The following AMBP variants were observed in gnomAD, a reference collection of about 807,000 sequenced individuals.
AMBP encodes protein AMBP.
A neutral mutation model predicts 46.3 loss-of-function variants in AMBP; 37 were observed. The ratio of observed to expected loss-of-function variants is 0.80; its 90% confidence interval spans 0.61 to 1.05. AMBP has a LOEUF of 1.05. AMBP is among the 50% of genes least tolerant of loss of function. The pLI is 0.00. For synonymous variants in AMBP, 174 were observed against 175.9 expected, an observed-to-expected ratio of 0.99 and a Z score of 0.09; for missense variants, 475 against 461.2, an observed-to-expected ratio of 1.03 and a Z score of -0.27.
chr9:114,069,699 CG>C lies in AMBP; in HGVS notation c.602del (p.Pro201ArgfsTer21). ...TGGGGTCGGGGGATGAGGCACTCAC[CG>C]GGATTAAGATGGGCTCTGGTTCCTG... ...GEQEPEPILIPRVRRAVLPQE... is the reference protein window; with the variant it reads ...GEQEPEPILIXRVRRAVLPQE... On this transcript the variant is annotated frameshift_variant and splice_region_variant, in exon 6 of 10. Transcript: ENST00000265132. LOFTEE classifies it high-confidence loss of function. 1.2e-6 allele frequency: 2 copies of C among 1,613,014 alleles called. No homozygotes were observed. Among genetic ancestry groups the C allele is most frequent in the Admixed American group, 1.7e-5 (1 of 59,928 alleles).
rs756764633 is a variant in AMBP at position 114,076,555 on chromosome 9, C to A, written c.260+43G>T. ...GGACGGGGCTGGGAAGGTTGTGGGTCTCTGGGTCTCTCTCAGCTTTCCAGC... is the reference window on the plus strand; with the variant it reads ...GGACGGGGCTGGGAAGGTTGTGGGTATCTGGGTCTCTCTCAGCTTTCCAGC... On this transcript the variant is annotated intron_variant, in intron 2 of 9. Transcript: ENST00000265132. 41 of 1,603,378 alleles carry A rather than the reference C, an allele frequency of 2.6e-5. No individual in the cohort carries two copies. The East Asian group carries it at 8.7e-4, about 34-fold the overall frequency.
intron 7 of AMBP, among the ~76,000 whole-genome samples, chr9:114,061,852 C>A (rs994407202): frequency 2.0e-5 from 3 of 152,056 alleles, no homozygotes; most frequent in Admixed American, 2.0e-4. Flanking sequence ...GGCCCACTGT[C>A]CCCCTGTATT....
chr9:114,075,138 GTTT>G, intron 2 of AMBP, 102 bp from the exon 3 acceptor site: 2 of 877,092 alleles, frequency 2.3e-6, no homozygotes, highest in Non-Finnish European at 1.8e-6. Context: ...TGGTTTTGGG[GTTT>G]TTTTGTTTGT....
chr9:114,076,558 T>C (rs1243549144), intron 2 of AMBP, 40 bp downstream of exon 2: 3 of 1,605,402 alleles, frequency 1.9e-6, no homozygotes, highest in Non-Finnish European at 2.5e-6. Context: ...TGTGGGTCTC[T>C]GGGTCTCTCT....
At chr9:114,064,499 G>A (rs896830149) in intron 6 of AMBP, among the ~76,000 whole-genome samples, 6 of 152,098 alleles carry the variant, frequency 3.9e-5, no homozygotes, top group East Asian at 1.9e-4. Flanking sequence ...GGTGAGAAAC[G>A]GGAAATAGAA....
chr9:114,070,187 C>T (rs1238638660), intron 5 of AMBP, among the ~76,000 whole-genome samples: 1 of 152,200 alleles, frequency 6.6e-6, no homozygotes, highest in African/African-American at 2.4e-5. Context: ...AACCCAGGTG[C>T]TCTTGATGGC....
rs896027005 is a variant in AMBP, at chr9:114,068,438, GA to G, written c.603+1260del. 1.8e-4 allele frequency among the ~76,000 whole-genome samples: 27 copies of G among 148,592 alleles called. 1 individual carries two copies. Among genetic ancestry groups the G allele is most frequent in the Middle Eastern group, 3.4e-3 (1 of 292 alleles). On this transcript the variant is annotated intron_variant, in intron 6 of 9. Coordinates refer to ENST00000265132, the MANE Select transcript of AMBP (RefSeq NM_001633.4). ...AACATGGCAAAACTCTGTCTCTACT[GA>G]AAAAAAAAATACAAAAATTAGCCAA...
intron 7 of AMBP, 141 bp from the exon 8 acceptor site, chr9:114,061,732 G>T: frequency 9.5e-7 from 1 of 1,052,518 alleles, no homozygotes; most frequent in Non-Finnish European, 1.3e-6. Flanking sequence ...CTGACTCTCA[G>T]AGAGGTGAAG....
intron 5 of AMBP, among the ~76,000 whole-genome samples, chr9:114,070,172 G>A (rs1474899979): frequency 2.0e-5 from 3 of 152,356 alleles, no homozygotes; most frequent in South Asian, 2.1e-4. Context: ...ACACAGCTCA[G>A]TTCGAACCCA....
rs752934210 is a variant in AMBP at position 114,078,163 on chromosome 9, G to A, written c.47C>T (p.Ala16Val). The A allele has an allele frequency of 2.5e-5, 41 of 1,613,282 alleles. No individual in the cohort carries two copies. Among genetic ancestry groups the A allele is most frequent in the Non-Finnish European group, 3.1e-5 (37 of 1,180,034 alleles). ...CGTTGGCACAGGGCCAGCGCTCACC[G>A]CCAGGCAGGCGCTCAGCAGCAAGAG... is the stretch of plus-strand genomic sequence containing the variant. The part of the protein sequence containing the change: ...ALLLLLSACL[A>V]VSAGPVPTPP... Residue 16 changes from alanine to valine, a missense_variant, in exon 1 of 10, where the codon GCG becomes GTG. By Grantham distance (64) the Ala-to-Val change is moderately conservative. This residue lies in a region of AMBP where 179 missense variants were observed against 167.4 expected (regional missense o/e 1.07). Transcript: ENST00000265132.
At position 114,075,142 on chromosome 9, in the gene AMBP, T is replaced by C. The variant is rs145726905; in HGVS notation, c.261-106A>G. 8.3e-4 allele frequency: 710 copies of C among 857,620 alleles called. 9 individuals are homozygous for C. The African/African-American group carries it at 9.2e-3, about 11-fold the overall frequency. 53.1% of individuals were successfully genotyped at this position (857,620 alleles called of 1,614,324 possible). Reference sequence around the variant, plus strand: ...TCCAAATGCCTTGGTTTTGGGGTTTTTTTGTTTGTGTGTTTTTGTTTGCTT... The same window carrying C: ...TCCAAATGCCTTGGTTTTGGGGTTTCTTTGTTTGTGTGTTTTTGTTTGCTT... On this transcript the variant is annotated intron_variant, in intron 2 of 9. Transcript: ENST00000265132.
intron 4 of AMBP, among the ~76,000 whole-genome samples, chr9:114,073,828 T>C (rs1412372879): frequency 6.6e-6 from 1 of 152,158 alleles, no homozygotes; most frequent in Non-Finnish European, 1.5e-5. Context: ...GCCTGGAGGC[T>C]CTGTAATTCT....
chr9:114,072,679 G>T (rs578220930), intron 5 of AMBP, among the ~76,000 whole-genome samples: 1 of 152,302 alleles, frequency 6.6e-6, no homozygotes, highest in South Asian at 2.1e-4. Context: ...GTGGATTCTG[G>T]CTACAACCTC....
At chr9:114,070,992 C>A (rs965136434) in intron 5 of AMBP, among the ~76,000 whole-genome samples, 2 of 152,190 alleles carry the variant, frequency 1.3e-5, no homozygotes, top group African/African-American at 4.8e-5. Context: ...CACGATGTCA[C>A]CCCAGCCCCA....
Position 114,060,772 on chromosome 9 carries a change from C to T in AMBP, c.1027+153G>A, listed in dbSNP as rs929526336. 3 of 940,170 alleles carry T rather than the reference C, an allele frequency of 3.2e-6. No individual in the cohort carries two copies. The South Asian group carries it at 5.2e-5, about 16-fold the overall frequency. The allele number at this position is 940,170 out of a possible 1,614,324, so 58.2% of individuals were successfully genotyped here. On this transcript the variant is annotated intron_variant, in intron 9 of 9. Transcript: ENST00000265132. ...GGCCCAATTCCAGCTGGGGTAAGGC[C>T]CCAGGCTCAGCCCCATTTCAGAGAG...
intron 6 of AMBP, among the ~76,000 whole-genome samples, chr9:114,064,061 C>T (rs114492100): frequency 1.1e-4 from 16 of 152,250 alleles, no homozygotes; most frequent in East Asian, 3.9e-4. Flanking sequence ...CAGCATTTAA[C>T]GACAGAAGTC....
intron 7 of AMBP, among the ~76,000 whole-genome samples, chr9:114,062,029 GAC>G (rs1474483507): frequency 1.3e-5 from 2 of 152,108 alleles, no homozygotes; most frequent in African/African-American, 4.8e-5. Context: ...TGGATGCCTG[GAC>G]ACAGTGTGAA....
chr9:114,060,325 G>A, intron 9 of AMBP, 55 bp from the exon 10 acceptor site: 2 of 1,599,058 alleles, frequency 1.3e-6, no homozygotes, highest in African/African-American at 1.3e-5. Flanking sequence ...ACTCAGGGAA[G>A]GGAAAGCAGC....
intron 5 of AMBP, among the ~76,000 whole-genome samples, chr9:114,070,153 C>T (rs763101116): frequency 3.3e-5 from 5 of 152,232 alleles, no homozygotes; most frequent in Non-Finnish European, 7.3e-5. Context: ...AGTTGACTAG[C>T]CAGAGGCCAC....
Sources: gnomAD v4.1 joint callset for allele counts (sites outside exome capture counted in the v4.1 genomes callset) on GRCh38, gnomAD v4.1.1 for gene constraint, gnomAD v4.1.1 regional missense constraint, MANE v1.5 for transcripts, NCBI Gene and HGNC (gene_info 2026-07-23, HGNC 2026-07-21) for gene names.